Variants in DST observed in about 807,000 individuals in gnomAD.
The protein encoded by DST is dystonin.
A neutral mutation model predicts 875.2 loss-of-function variants in DST; 253 were observed. The observed-to-expected ratio is 0.29, with a 90% CI of 0.26 to 0.32. The LOEUF is 0.32. Ranked by LOEUF, DST falls within the 10% of genes least tolerant of loss-of-function variation. The pLI, the probability that DST is intolerant of heterozygous loss-of-function variation, is 1.00. For missense variants in DST, 8,287 were observed against 9,111.6 expected, an observed-to-expected ratio of 0.91 and a Z score of 3.68; for synonymous variants, 3,124 against 3,197.1, an observed-to-expected ratio of 0.98 and a Z score of 0.77.
chr6:56,513,853 T>C (rs1400399347), intron 72 of DST, among the ~76,000 whole-genome samples: 1 of 152,212 alleles, frequency 6.6e-6, no homozygotes, highest in Non-Finnish European at 1.5e-5. Flanking sequence ...CTATCTGGTG[T>C]GACTTGATAT....
chr6:56,621,906 T>G (rs969188477), intron 36 of DST, among the ~76,000 whole-genome samples: 1 of 152,198 alleles, frequency 6.6e-6, no homozygotes, highest in African/African-American at 2.4e-5. Context: ...TCTAATTTCT[T>G]GATCTCCAAT....
chr6:56,891,563 C>A, intron 3 of DST, among the ~76,000 whole-genome samples: 1 of 105,784 alleles, frequency 9.5e-6, no homozygotes, highest in Non-Finnish European at 1.8e-5. Flanking sequence ...GAGACTCCGT[C>A]TCAAAAAAAA....
chr6:56,867,555 C>A (rs1358577561), intron 3 of DST, among the ~76,000 whole-genome samples: 1 of 152,174 alleles, frequency 6.6e-6, no homozygotes, highest in Non-Finnish European at 1.5e-5. Flanking sequence ...GATGCGGAGG[C>A]TCATGCCTGT....
chr6:56,919,731 G>A (rs372539960), intron 2 of DST, among the ~76,000 whole-genome samples: 2 of 152,112 alleles, frequency 1.3e-5, no homozygotes, highest in African/African-American at 4.8e-5. Flanking sequence ...CATATCACTT[G>A]AGCCCAGGAG....
chr6:56,895,987 G>C (rs1158787019), intron 3 of DST, among the ~76,000 whole-genome samples: 1 of 58,630 alleles, frequency 1.7e-5, no homozygotes, highest in Non-Finnish European at 3.0e-5. Flanking sequence ...GCTTTGGCTC[G>C]GCATGAGAGG....
chr6:56,722,574 G>A (rs2099425361), intron 5 of DST, among the ~76,000 whole-genome samples: 1 of 152,102 alleles, frequency 6.6e-6, no homozygotes, highest in Admixed American at 6.5e-5. Context: ...AGTAGAGACA[G>A]GGTTTCACCA....
chr6:56,786,505 T>C (rs2099705838), intron 4 of DST, among the ~76,000 whole-genome samples: 1 of 152,158 alleles, frequency 6.6e-6, no homozygotes, highest in African/African-American at 2.4e-5. Flanking sequence ...GCCCCTAACA[T>C]CCCAGTCCCA....
At chr6:56,615,510 T>C (rs749010258) in intron 36 of DST, 4 of 1,614,018 alleles carry the variant, frequency 2.5e-6, no homozygotes, top group South Asian at 2.2e-5. Flanking sequence ...TATTTAAACA[T>C]GTCCCATTAG....
chr6:56,871,346 T>A, intron 3 of DST: 1 of 1,034,192 alleles, frequency 9.7e-7, no homozygotes. Context: ...AAGATGTCAC[T>A]TTACAGAAAC....
rs1403313480 is a variant in DST at position 56,701,973 on chromosome 6, C to T, written c.877-8G>A. 1 of 1,569,800 alleles carries T rather than the reference C, an allele frequency of 6.4e-7. No homozygotes were observed. Among genetic ancestry groups the T allele is most frequent in the African/African-American group, 1.4e-5 (1 of 73,838 alleles). ...CCGACCTTTTTCTCTGGGCTAAGAA[C>T]AGAAAAATGCAGGTATGAAAAAGAG... On this transcript the variant is annotated splice_region_variant and splice_polypyrimidine_tract_variant and intron_variant, in intron 7 of 103. Coordinates refer to ENST00000680361, the MANE Select transcript of DST (RefSeq NM_001374736.1).
At chr6:56,941,549 C>T (rs974278526) in intron 2 of DST, among the ~76,000 whole-genome samples, 2 of 152,154 alleles carry the variant, frequency 1.3e-5, no homozygotes, top group Non-Finnish European at 2.9e-5. Flanking sequence ...ATGGTGCTAT[C>T]ATGGTTCACC....
intron 4 of DST, among the ~76,000 whole-genome samples, chr6:56,783,145 T>C (rs1458501402): frequency 6.6e-6 from 1 of 152,170 alleles, no homozygotes; most frequent in Admixed American, 6.5e-5. Flanking sequence ...TACTTCCAAC[T>C]ATGTGGTCAG....
chr6:56,792,772 T>G (rs1432145768), intron 4 of DST, among the ~76,000 whole-genome samples: 3 of 152,142 alleles, frequency 2.0e-5, no homozygotes, highest in Non-Finnish European at 4.4e-5. Flanking sequence ...GGACATTATA[T>G]AAGACAAATG....
rs1562739693 is a variant in DST, at chr6:56,552,769, T to C, written c.16023A>G (p.Val5341=). The change falls in exon 61 of 104, where the codon GTA becomes GTG. Residue 5341 remains valine, a synonymous_variant. Transcript: ENST00000680361. Reference sequence around the variant, plus strand: ...AGGTTCCCTTTGAGTCTGAGGCCTCTACCACAAGGTCCTGTGCAAGTCTTT... The same window carrying C: ...AGGTTCCCTTTGAGTCTGAGGCCTCCACCACAAGGTCCTGTGCAAGTCTTT... ...LAKRLAQDLV[V]EASDSKGTSD... is the part of the protein sequence containing the mutation. 2 of 1,610,426 alleles carry C rather than the reference T, an allele frequency of 1.2e-6. No individual in the cohort carries two copies. The highest frequency in any genetic ancestry group is 4.5e-5 in the East Asian group (2 of 44,878).
intron 4 of DST, among the ~76,000 whole-genome samples, chr6:56,767,946 G>A (rs896052823): frequency 2.0e-5 from 3 of 152,110 alleles, no homozygotes; most frequent in African/African-American, 7.2e-5. Context: ...AGAGCAAGGA[G>A]GCCATTAGGT....
intron 2 of DST, among the ~76,000 whole-genome samples, chr6:56,938,776 A>T (rs1007692223): frequency 1.3e-5 from 2 of 152,128 alleles, no homozygotes; most frequent in African/African-American, 4.8e-5. Flanking sequence ...TGGAACCCAA[A>T]CCTAACCACA....
chr6:56,710,473 G>A (rs910583705), intron 5 of DST, among the ~76,000 whole-genome samples: 11 of 152,276 alleles, frequency 7.2e-5, no homozygotes, highest in African/African-American at 2.4e-4. Context: ...GTTTGCTTTA[G>A]TGAAAATTAT....
chr6:56,699,947 A>G (rs1311986041), intron 8 of DST, among the ~76,000 whole-genome samples: 1 of 152,230 alleles, frequency 6.6e-6, no homozygotes, highest in Non-Finnish European at 1.5e-5. Context: ...AGAAAGAGCA[A>G]GTATTATTGC....
At chr6:56,578,732 G>A in intron 50 of DST, 82 bp downstream of exon 50, 1 of 1,427,102 alleles carries the variant, frequency 7.0e-7, no homozygotes, top group Admixed American at 1.9e-5. Context: ...TATAACTAGT[G>A]AACATTTTTC....
Sources: gnomAD v4.1 joint callset for allele counts (sites outside exome capture counted in the v4.1 genomes callset) on GRCh38, gnomAD v4.1.1 for gene constraint, MANE v1.5 for transcripts, NCBI Gene and HGNC (gene_info 2026-07-23, HGNC 2026-07-21) for gene names.